CPEB1: variants seen among roughly 807,000 people sequenced by gnomAD.
CPEB1 encodes cytoplasmic polyadenylation element binding protein 1.
In CPEB1, 7 loss-of-function variants were observed where a neutral mutation model predicts 65.8. That is an observed-to-expected ratio of 0.11 (90% CI 0.06 to 0.20). CPEB1 has a LOEUF of 0.20. Ranked by LOEUF, CPEB1 falls within the 10% of genes least tolerant of loss-of-function variation. The pLI is 1.00. For missense variants in CPEB1, 551 were observed against 712.2 expected (o/e 0.77, Z 2.58); for synonymous variants, 262 against 260.0 (o/e 1.01, Z -0.08).
Position 82,555,011 on chromosome 15 carries a change from G to A in CPEB1, c.940+859C>T, listed in dbSNP as rs17158422. Among the ~76,000 whole-genome samples the A allele has an allele frequency of 9.4e-3, 1,427 of 152,266 alleles. 22 individuals are homozygous for A. The highest frequency in any genetic ancestry group is 0.033 in the African/African-American group (1,381 of 41,542). On this transcript the variant is annotated intron_variant, in intron 6 of 12. Coordinates refer to ENST00000684509, the MANE Select transcript of CPEB1 (RefSeq NM_001365242.1). ...AGAATGAGATCCAGCCCAACTCTGTGAGCAAACAGACACACTGAAGCCTAT... is the reference window on the plus strand; with the variant it reads ...AGAATGAGATCCAGCCCAACTCTGTAAGCAAACAGACACACTGAAGCCTAT...
chr15:82,558,954 T>G (rs1326397160), intron 4 of CPEB1, among the ~76,000 whole-genome samples: 2 of 17,828 alleles, frequency 1.1e-4, no homozygotes, highest in Non-Finnish European at 2.4e-4. Context: ...TAATTTGAAG[T>G]TTTTTTTTTT....
chr15:82,596,554 T>C (rs913939252), intron 3 of CPEB1, among the ~76,000 whole-genome samples: 8 of 151,648 alleles, frequency 5.3e-5, no homozygotes, highest in Non-Finnish European at 7.4e-5. Context: ...AAAAATTAGC[T>C]GGGCATGGTG....
chr15:82,607,416 C>T (rs367659855), intron 3 of CPEB1, among the ~76,000 whole-genome samples: 5 of 152,174 alleles, frequency 3.3e-5, no homozygotes, highest in South Asian at 4.2e-4. Context: ...GGTGAAACCC[C>T]GTCTCTACTA....
chr15:82,647,606 G>T, upstream of CPEB1: 1 of 328,296 alleles, frequency 3.0e-6, no homozygotes, highest in Non-Finnish European at 5.5e-6. Context: ...GGCCCCACCG[G>T]CCGCCCCCGC....
At chr15:82,617,497 G>A (rs1319846187) in intron 3 of CPEB1, among the ~76,000 whole-genome samples, 4 of 152,150 alleles carry the variant, frequency 2.6e-5, no homozygotes, top group South Asian at 2.1e-4. Context: ...GATGAATAAT[G>A]TGATATCCTG....
At position 82,544,465 on chromosome 15, in the gene CPEB1, A is replaced by C. The variant is rs2034814339; in HGVS notation, c.*127T>G. On this transcript the variant is annotated 3_prime_UTR_variant, in exon 13 of 13. Coordinates refer to ENST00000684509, the MANE Select transcript of CPEB1 (RefSeq NM_001365242.1). ...ACAAAGACAGATTCAGCAAGTGCAA[A>C]GGTGACTACAATTTTCCCTTGTCCT... 1.6e-6 allele frequency: 1 copy of C among 642,876 alleles called. No individual in the cohort carries two copies. Among genetic ancestry groups the C allele is most frequent in the African/African-American group, 1.8e-5 (1 of 54,570 alleles). The allele number at this position is 642,876 out of a possible 1,614,324, so 39.8% of individuals were successfully genotyped here.
At chr15:82,549,366 A>G in intron 10 of CPEB1, 94 bp downstream of exon 10, 3 of 1,293,006 alleles carry the variant, frequency 2.3e-6, no homozygotes, top group Non-Finnish European at 3.3e-6. Flanking sequence ...GACCTGGGTC[A>G]GGCCTCTCTC....
Position 82,544,121 on chromosome 15 carries a change from G to A in CPEB1, c.*471C>T, listed in dbSNP as rs923122021. 3.3e-5 allele frequency: 5 copies of A among 153,416 alleles called. No individual in the cohort carries two copies. Among genetic ancestry groups the A allele is most frequent in the African/African-American group, 9.7e-5 (4 of 41,422 alleles). The allele number at this position is 153,416 out of a possible 1,614,324, so 9.5% of individuals were successfully genotyped here. A position where few individuals can be genotyped will look rare whatever the true frequency, so the allele number is the denominator to read the frequency against. ...CGTTCAGGTGGGGGTTAAATAAATG[G>A]AAAGGCACTGTATGGCAACTGCAAG... On this transcript the variant is annotated 3_prime_UTR_variant, in exon 13 of 13. Transcript: ENST00000684509.
chr15:82,640,197 C>G lies in CPEB1; in HGVS notation c.-98+6940G>C, dbSNP rs189442118. On this transcript the variant is annotated intron_variant, in intron 1 of 12. Coordinates refer to ENST00000684509, the MANE Select transcript of CPEB1 (RefSeq NM_001365242.1). Reference sequence around the variant, plus strand: ...TAGGGACAGGGTCTGGATATGTGGTCCAGACCAGAATTGAACTCCTAGGCT... The same window carrying G: ...TAGGGACAGGGTCTGGATATGTGGTGCAGACCAGAATTGAACTCCTAGGCT... Among the ~76,000 whole-genome samples the G allele has an allele frequency of 1.2e-3, 184 of 152,182 alleles. 1 individual carries two copies. The Middle Eastern group carries it at 0.017, about 14-fold the overall frequency.
At chr15:82,573,192 C>T (rs538075032) in intron 3 of CPEB1, 20 of 1,523,606 alleles carry the variant, frequency 1.3e-5, no homozygotes, top group Non-Finnish European at 1.8e-6. Flanking sequence ...GGCACTCAGG[C>T]ATAGCCTAGA....
At chr15:82,594,668 G>A (rs1044743595) in intron 3 of CPEB1, among the ~76,000 whole-genome samples, 1 of 152,116 alleles carries the variant, frequency 6.6e-6, no homozygotes, top group African/African-American at 2.4e-5. Context: ...TGACTATTTG[G>A]AACAAGAGGC....
At chr15:82,567,881 A>T (rs2039416171) in intron 4 of CPEB1, among the ~76,000 whole-genome samples, 1 of 152,158 alleles carries the variant, frequency 6.6e-6, no homozygotes, top group Admixed American at 6.5e-5. Flanking sequence ...GCAAGGGGGA[A>T]GGCAGGAAGA....
intron 4 of CPEB1, among the ~76,000 whole-genome samples, chr15:82,560,644 C>T (rs2038044678): frequency 6.6e-6 from 1 of 152,168 alleles, no homozygotes; most frequent in Non-Finnish European, 1.5e-5. Context: ...CCTCTTACCT[C>T]AGCCTCACAA....
At chr15:82,620,623 T>C (rs1264496053) in intron 3 of CPEB1, among the ~76,000 whole-genome samples, 3 of 151,840 alleles carry the variant, frequency 2.0e-5, no homozygotes, top group Non-Finnish European at 2.9e-5. Flanking sequence ...CACAGCAAGA[T>C]TCTGTCTCTA....
At chr15:82,623,530 G>A (rs958137982) in intron 3 of CPEB1, among the ~76,000 whole-genome samples, 11 of 152,136 alleles carry the variant, frequency 7.2e-5, no homozygotes, top group African/African-American at 2.4e-4. Context: ...ACAAAAATTA[G>A]CCAGGCGTGG....
intron 8 of CPEB1, among the ~76,000 whole-genome samples, chr15:82,552,959 C>A (rs1046848432): frequency 1.3e-5 from 2 of 152,222 alleles, no homozygotes; most frequent in Admixed American, 1.3e-4. Context: ...TAAACACCTA[C>A]TTAAACCATT....
In CPEB1 at chr15:82,555,908, C is replaced by T; in HGVS notation, c.902G>A (p.Ser301Asn). 3.7e-6 allele frequency: 6 copies of T among 1,613,768 alleles called. No individual in the cohort carries two copies. The highest frequency in any genetic ancestry group is 5.1e-6 in the Non-Finnish European group (6 of 1,179,842). The change falls in exon 6 of 13, where the codon AGC (serine) becomes AAC (asparagine). Residue 301 changes from serine to asparagine, a missense_variant. Physicochemically the swap from Ser to Asn is conservative, Grantham distance 46 (BLOSUM62 1). Transcript: ENST00000684509. The stretch of plus-strand genomic sequence containing the variant: ...GTGCAGCCTGGCCTCTCTCTCTATG[C>T]TGAAGGGGTCTTTGGGAGCTTCGAG... ...DLLEAPKDPFSIEREARLHRQ... is the reference protein window; with the variant it reads ...DLLEAPKDPFNIEREARLHRQ...
At position 82,568,591 on chromosome 15, in the gene CPEB1, C is replaced by A. The variant is rs1490433689; in HGVS notation, c.460+2753G>T. Among the ~76,000 whole-genome samples the A allele has an allele frequency of 2.0e-5, 3 of 152,178 alleles. No individual in the cohort carries two copies. The East Asian group carries it at 5.8e-4, about 29-fold the overall frequency. ...GGGTCTTCTTGCAGGACTCTGAGGC[C>A]AAGGAAATCTAGATAGCAGAAGTAC... On this transcript the variant is annotated intron_variant, in intron 4 of 12. Coordinates refer to ENST00000684509, the MANE Select transcript of CPEB1 (RefSeq NM_001365242.1).
intron 3 of CPEB1, among the ~76,000 whole-genome samples, chr15:82,617,934 C>T (rs1388868785): frequency 2.0e-5 from 3 of 151,196 alleles, no homozygotes; most frequent in East Asian, 1.9e-4. Flanking sequence ...GGGGTTTCAC[C>T]GTTTTAGCCG....
Sources: gnomAD v4.1 joint callset for allele counts (sites outside exome capture counted in the v4.1 genomes callset) on GRCh38, gnomAD v4.1.1 for gene constraint, MANE v1.5 for transcripts, NCBI Gene and HGNC (gene_info 2026-07-23, HGNC 2026-07-21) for gene names.